The following TPR variants were observed in gnomAD, a reference collection of about 807,000 sequenced individuals.
The protein encoded by TPR is translocated promoter region, nuclear basket protein, also known as nucleoprotein TPR.
TPR carries 51 observed loss-of-function variants against 316.1 expected under a neutral mutation model. The ratio of observed to expected loss-of-function variants is 0.16; its 90% confidence interval spans 0.13 to 0.20. The LOEUF (loss-of-function observed/expected upper bound fraction) is 0.20. Ranked by LOEUF, TPR falls within the 10% of genes least tolerant of loss-of-function variation. The pLI is 1.00. For missense variants in TPR, 2,272 were observed against 2,754.8 expected, an observed-to-expected ratio of 0.82 and a Z score of 3.92; for synonymous variants, 981 against 914.7, an observed-to-expected ratio of 1.07 and a Z score of -1.31.
Position 186,357,590 on chromosome 1 carries a change from T to C in TPR, c.1531A>G (p.Arg511Gly). 1 of 1,614,004 alleles carries C rather than the reference T, an allele frequency of 6.2e-7. No homozygotes were observed. The highest frequency in any genetic ancestry group is 8.5e-7 in the Non-Finnish European group (1 of 1,179,994). ...TCATCACGAATTACGTGGTTACCCC[T>C]TGCTTCTTCAAGTTCCATCAAAAGC... is the stretch of plus-strand genomic sequence containing the variant. ...RVLLMELEEA[R>G]GNHVIRDEEV... Residue 511 changes from arginine to glycine, a missense_variant, in exon 14 of 51, where the codon AGG becomes GGG. Physicochemically the swap from Arg to Gly is moderately radical, Grantham distance 125. Around this residue, in one of 10 missense-constraint regions of TPR, gnomAD observed 549 missense variants for 598.6 expected, o/e 0.92. Coordinates refer to ENST00000367478, the MANE Select transcript of TPR (RefSeq NM_003292.3).
intron 36 of TPR, 143 bp from the exon 37 acceptor site, chr1:186,333,537 T>A (rs1558001085): frequency 6.4e-6 from 6 of 935,760 alleles, no homozygotes; most frequent in Non-Finnish European, 9.3e-6. Context: ...GGTAATGTAT[T>A]ATGCATTTTT....
intron 22 of TPR, 134 bp downstream of exon 22, chr1:186,347,158 G>A (rs1658707655): frequency 4.5e-6 from 4 of 890,862 alleles, no homozygotes; most frequent in Non-Finnish European, 5.0e-6. Context: ...TGAGACTCAA[G>A]TACTTTCACA....
At chr1:186,359,658 T>C (rs1659123719) in intron 12 of TPR, 141 bp downstream of exon 12, 1 of 771,968 alleles carries the variant, frequency 1.3e-6, no homozygotes, top group East Asian at 3.2e-5. Context: ...AGATCAGCAG[T>C]GTTTAATAAG....
rs1658655590 is a variant in TPR at position 186,345,698 on chromosome 1, T to TA, written c.3097-3dup. On this transcript the variant is annotated splice_region_variant and splice_polypyrimidine_tract_variant and intron_variant, in intron 23 of 50. Coordinates refer to ENST00000367478, the MANE Select transcript of TPR (RefSeq NM_003292.3). ...AAGTGTTTTCTTCAATTCAGATAACTAAGCAGAAAGAACAAGATTAAAACC... is the reference window on the plus strand; with the variant it reads ...AAGTGTTTTCTTCAATTCAGATAACTAAAGCAGAAAGAACAAGATTAAAACC... 1 of 1,598,004 alleles carries TA rather than the reference T, an allele frequency of 6.3e-7. No homozygotes were observed. The highest frequency in any genetic ancestry group is 1.3e-5 in the African/African-American group (1 of 74,674).
chr1:186,351,512 G>A, intron 19 of TPR, 42 bp from the exon 20 acceptor site: 1 of 1,490,602 alleles, frequency 6.7e-7, no homozygotes, highest in South Asian at 1.5e-5. Flanking sequence ...TAAGAAAAAG[G>A]CAATACAAAA....
rs1288694202 is a variant in TPR, at chr1:186,318,450, T to C, written c.6818A>G (p.Glu2273Gly). The C allele has an allele frequency of 6.2e-7, 1 of 1,609,350 alleles. No individual in the cohort carries two copies. Among genetic ancestry groups the C allele is most frequent in the Admixed American group, 1.7e-5 (1 of 58,736 alleles). The stretch of plus-strand genomic sequence containing the variant: ...AAACAACAAAATAAACTTTTACCCT[T>C]CAGATTCTGCCTCCACAAATACTTC... ...GDEVFVEAES[E>G]GISSEAGLEI... The change falls in exon 48 of 51, where the codon GAA becomes GGA. Residue 2273 changes from glutamate to glycine, a missense_variant. By Grantham distance (98) the Glu-to-Gly change is moderately conservative. Coordinates refer to ENST00000367478, the MANE Select transcript of TPR (RefSeq NM_003292.3).
At chr1:186,345,464 A>C (rs1159003093) in intron 24 of TPR, 116 bp downstream of exon 24, 1 of 799,946 alleles carries the variant, frequency 1.3e-6, no homozygotes, top group Non-Finnish European at 2.0e-6. Context: ...AGTTCCACAA[A>C]AGTGGAAATT....
chr1:186,369,707 C>T (rs190262348), intron 3 of TPR, among the ~76,000 whole-genome samples: 2 of 152,062 alleles, frequency 1.3e-5, no homozygotes, highest in Non-Finnish European at 2.9e-5. Context: ...TTATTTCTTC[C>T]TTTCCAATTT....
Position 186,360,380 on chromosome 1 carries a change from C to T in TPR, c.1100-16G>A. 6.2e-7 allele frequency: 1 copy of T among 1,610,550 alleles called. No individual in the cohort carries two copies. The highest frequency in any genetic ancestry group is 8.5e-7 in the Non-Finnish European group (1 of 1,177,954). On this transcript the variant is annotated splice_polypyrimidine_tract_variant and intron_variant, in intron 10 of 50. Coordinates refer to ENST00000367478, the MANE Select transcript of TPR (RefSeq NM_003292.3). ...AATATGGCTCCTGTGCCAACAAATACACATCTAGTATAATTTGTAAAATTC... is the reference window on the plus strand; with the variant it reads ...AATATGGCTCCTGTGCCAACAAATATACATCTAGTATAATTTGTAAAATTC...
chr1:186,348,049 A>G (rs904870856), intron 21 of TPR, among the ~76,000 whole-genome samples: 2 of 152,194 alleles, frequency 1.3e-5, no homozygotes, highest in Non-Finnish European at 2.9e-5. Context: ...CTTGAAAAAG[A>G]ACAGAATAAT....
At chr1:186,370,469 TG>T (rs1364921510) in intron 3 of TPR, among the ~76,000 whole-genome samples, 1 of 152,112 alleles carries the variant, frequency 6.6e-6, no homozygotes, top group African/African-American at 2.4e-5. Flanking sequence ...ATTCAGATTC[TG>T]GAAGTAAATT....
rs1658311210 is a variant in TPR, at chr1:186,335,465, A to C, written c.4784T>G (p.Leu1595Trp). 6.2e-7 allele frequency: 1 copy of C among 1,613,528 alleles called. No homozygotes were observed. The highest frequency in any genetic ancestry group is 8.5e-7 in the Non-Finnish European group (1 of 1,179,710). Residue 1595 changes from leucine to tryptophan, a missense_variant, in exon 34 of 51, where the codon TTG becomes TGG. Leu to Trp is a moderately conservative substitution (Grantham distance 61, BLOSUM62 -2). Coordinates refer to ENST00000367478, the MANE Select transcript of TPR (RefSeq NM_003292.3). ...CTTTAGCGCAGTAATGCGAACATCC[A>C]ATTCATCTTTCTGCTGATCTAAGGC... is the stretch of plus-strand genomic sequence containing the variant. ...NGALDQQKDE[L>W]DVRITALKSQ...
chr1:186,360,356 A>G lies in TPR; in HGVS notation c.1108T>C (p.Leu370=). 1 of 1,613,238 alleles carries G rather than the reference A, an allele frequency of 6.2e-7. No individual in the cohort carries two copies. Among genetic ancestry groups the G allele is most frequent in the Non-Finnish European group, 8.5e-7 (1 of 1,179,416 alleles). ...LSATKRKGAI[L]SEEELAAMSP... ...ATGGCGGCAAGCTCTTCTTCAGACA[A>G]TATGGCTCCTGTGCCAACAAATACA... The change falls in exon 11 of 51, where the codon TTG becomes CTG. Residue 370 remains leucine (L), a synonymous_variant. Transcript: ENST00000367478.
At chr1:186,321,350 C>CTAAT (rs1657770025) in intron 45 of TPR, among the ~76,000 whole-genome samples, 1 of 152,184 alleles carries the variant, frequency 6.6e-6, no homozygotes, top group Non-Finnish European at 1.5e-5. Flanking sequence ...TGTTAAGCAA[C>CTAAT]TAATACCTTA....
intron 7 of TPR, among the ~76,000 whole-genome samples, 198 bp from the exon 8 acceptor site, chr1:186,362,067 C>T (rs1412676691): frequency 6.6e-6 from 1 of 151,692 alleles, no homozygotes; most frequent in Non-Finnish European, 1.5e-5. Context: ...AATAATTAAA[C>T]AATAAAATTA....
chr1:186,319,046 A>G (rs959223342), intron 46 of TPR, among the ~76,000 whole-genome samples: 2 of 152,174 alleles, frequency 1.3e-5, no homozygotes, highest in African/African-American at 4.8e-5. Flanking sequence ...TTAAGAGTGC[A>G]GTGACACCAC....
rs368754753 is a variant in TPR at position 186,327,133 on chromosome 1, TA to T, written c.5889+326del. Among the ~76,000 whole-genome samples, 11 of 8,046 alleles carry T rather than the reference TA, an allele frequency of 1.4e-3. 2 individuals carry two copies. The highest frequency in any genetic ancestry group is 2.4e-3 in the African/African-American group (5 of 2,072). The allele number at this position is 8,046 out of a possible 152,430, so 5.3% of individuals were successfully genotyped here. A position where few individuals can be genotyped will look rare whatever the true frequency, so the allele number is the denominator to read the frequency against. ...AATATATATAAATATATAACATATATATTATATATATAAATATATATAAATA... is the reference window on the plus strand; with the variant it reads ...AATATATATAAATATATAACATATATTTATATATATAAATATATATAAATA... On this transcript the variant is annotated intron_variant, in intron 40 of 50. Coordinates refer to ENST00000367478, the MANE Select transcript of TPR (RefSeq NM_003292.3).
chr1:186,326,687 A>T (rs1001054897), intron 40 of TPR, among the ~76,000 whole-genome samples: 7 of 151,574 alleles, frequency 4.6e-5, no homozygotes, highest in Non-Finnish European at 7.4e-5. Context: ...CTTTATATAT[A>T]AAAAAATGAC....
chr1:186,375,031 C>A lies in TPR; in HGVS notation c.-3G>T. The A allele has an allele frequency of 6.2e-7, 1 of 1,614,024 alleles. No homozygotes were observed. On this transcript the variant is annotated 5_prime_UTR_variant, in exon 1 of 51. Coordinates refer to ENST00000367478, the MANE Select transcript of TPR (RefSeq NM_003292.3). The stretch of plus-strand genomic sequence containing the variant: ...ACTTGCTGCAACACCGCCGCCATGT[C>A]GGTGGGGCCAGGGACCCCAGTGGCA...
Sources: gnomAD v4.1 joint callset for allele counts (sites outside exome capture counted in the v4.1 genomes callset) on GRCh38, gnomAD v4.1.1 for gene constraint, gnomAD v4.1.1 regional missense constraint, MANE v1.5 for transcripts, NCBI Gene and HGNC (gene_info 2026-07-23, HGNC 2026-07-21) for gene names.